ATL1: variants seen among roughly 807,000 people sequenced by gnomAD.
ATL1 encodes atlastin GTPase 1.
ATL1 carries 31 observed loss-of-function variants against 75.5 expected under a neutral mutation model. The observed-to-expected ratio is 0.41, with a 90% confidence interval of 0.31 to 0.55. The LOEUF (loss-of-function observed/expected upper bound fraction) is 0.55. ATL1 is among the 20% of genes least tolerant of loss of function. The pLI, the probability that ATL1 is intolerant of heterozygous loss-of-function variation, is 0.27. For missense variants in ATL1, 405 were observed against 662.6 expected (o/e 0.61, Z 4.27); for synonymous variants, 226 against 233.3 (o/e 0.97, Z 0.28).
chr14:50,625,622 TAAG>T (rs1449875668), intron 11 of ATL1, among the ~76,000 whole-genome samples: 1 of 152,102 alleles, frequency 6.6e-6, no homozygotes, highest in Non-Finnish European at 1.5e-5. Context: ...TCTAGGCACT[TAAG>T]AATCATGCTA....
intron 11 of ATL1, among the ~76,000 whole-genome samples, chr14:50,624,433 G>C (rs1385229140): frequency 6.6e-6 from 1 of 151,994 alleles, no homozygotes; most frequent in Non-Finnish European, 1.5e-5. Context: ...AATTGTTTCA[G>C]AGTGCCATTA....
chr14:50,620,270 C>CAAAA (rs1365510649), intron 8 of ATL1, among the ~76,000 whole-genome samples: 1 of 151,976 alleles, frequency 6.6e-6, no homozygotes, highest in African/African-American at 2.4e-5. Context: ...AACAAACAAA[C>CAAAA]AAAAAAGCAA....
In ATL1 at chr14:50,624,023, C is replaced by G. The variant is rs150871184; in HGVS notation, c.1119+775C>G. Among the ~76,000 whole-genome samples the G allele has an allele frequency of 1.7e-3, 264 of 152,210 alleles. 1 individual carries two copies. Among genetic ancestry groups the G allele is most frequent in the Middle Eastern group, 6.8e-3 (2 of 294 alleles). On this transcript the variant is annotated intron_variant, in intron 11 of 13. Transcript: ENST00000358385. ...TGAGCTGAGATTGTGCCACTGCACT[C>G]CAGCCTGGGCAACAGAGCAAGAATC...
chr14:50,579,124 C>T (rs371295498), intron 1 of ATL1, among the ~76,000 whole-genome samples: 1 of 152,066 alleles, frequency 6.6e-6, no homozygotes, highest in African/African-American at 2.4e-5. Context: ...GTCCACTTCT[C>T]CTCCACCAGG....
At position 50,621,827 on chromosome 14, in the gene ATL1, T is replaced by C; in HGVS notation, c.991-16T>C. On this transcript the variant is annotated splice_polypyrimidine_tract_variant and intron_variant, in intron 9 of 13. Transcript: ENST00000358385. ...AATGGAATTGCTTGAACATGAATCTTTTTCTTTTTTTTTAGGCTTATATAA... is the reference window on the plus strand; with the variant it reads ...AATGGAATTGCTTGAACATGAATCTCTTTCTTTTTTTTTAGGCTTATATAA... 1 of 1,523,438 alleles carries C rather than the reference T, an allele frequency of 6.6e-7. No homozygotes were observed. The highest frequency in any genetic ancestry group is 1.7e-5 in the Admixed American group (1 of 59,250). 94.4% of individuals were successfully genotyped at this position (1,523,438 alleles called of 1,614,324 possible). A position where few individuals can be genotyped will look rare whatever the true frequency, so the allele number is the denominator to read the frequency against.
At chr14:50,548,341 A>G (rs2038660532) in intron 1 of ATL1, among the ~76,000 whole-genome samples, 1 of 152,198 alleles carries the variant, frequency 6.6e-6, no homozygotes, top group South Asian at 2.1e-4. Context: ...CACATAGAGC[A>G]AGAGCCATTT....
rs2140226881 is a variant in ATL1 at position 50,614,384 on chromosome 14, C to T, written c.735C>T (p.Asn245=). The change falls in exon 8 of 14, where the codon AAC becomes AAT. Residue 245 remains asparagine, a synonymous_variant. Transcript: ENST00000358385. ...FLEKRLKVSG[N]QHEELQNVRK... ...ATGATTTACTGCAGGTCTCAGGGAA[C>T]CAGCATGAAGAACTACAGAACGTCA... 6.2e-7 allele frequency: 1 copy of T among 1,613,990 alleles called. No homozygotes were observed. The highest frequency in any genetic ancestry group is 2.2e-5 in the East Asian group (1 of 44,866).
intron 1 of ATL1, among the ~76,000 whole-genome samples, chr14:50,548,062 G>C (rs556280868): frequency 6.6e-6 from 1 of 152,210 alleles, no homozygotes; most frequent in African/African-American, 2.4e-5. Context: ...ATGGCCTAAA[G>C]AACAGGGGAT....
upstream of ATL1, chr14:50,559,553 T>C (rs538082138): frequency 6.6e-6 from 1 of 152,406 alleles, no homozygotes; most frequent in African/African-American, 2.4e-5. Flanking sequence ...CTGGACCTTA[T>C]CTTTGCAAAT....
intron 6 of ATL1, among the ~76,000 whole-genome samples, chr14:50,608,829 T>G (rs538050704): frequency 1.3e-4 from 20 of 152,176 alleles, no homozygotes; most frequent in African/African-American, 4.3e-4. Context: ...TAGCAAGAAA[T>G]GTTCAAAATA....
chr14:50,537,997 G>A (rs1001367726), intron 1 of ATL1, among the ~76,000 whole-genome samples: 2 of 152,146 alleles, frequency 1.3e-5, no homozygotes, highest in Non-Finnish European at 2.9e-5. Flanking sequence ...GTTTTGAAAC[G>A]TGAGGACATG....
In ATL1 at chr14:50,537,047, G is replaced by A. The variant is rs114411272; in HGVS notation, c.-140+3680G>A. On this transcript the variant is annotated intron_variant, in intron 1 of 13. Coordinates refer to the ATL1 transcript ENST00000441560. ...ACAATGGGGAAAATGCCTTCAGGGC[G>A]TGTCAGAGGTCTTCATGGCAGACCT... is the stretch of plus-strand genomic sequence containing the variant. Among the ~76,000 whole-genome samples, 748 of 152,358 alleles carry A rather than the reference G, an allele frequency of 4.9e-3. 8 individuals are homozygous for A. Among genetic ancestry groups the A allele is most frequent in the African/African-American group, 0.017 (696 of 41,586 alleles).
intron 6 of ATL1, among the ~76,000 whole-genome samples, chr14:50,596,761 T>G (rs1356410302): frequency 1.3e-5 from 2 of 152,150 alleles, no homozygotes; most frequent in African/African-American, 4.8e-5. Context: ...AATAGTTATA[T>G]GAAAATACTG....
At chr14:50,578,065 T>C (rs1242475312) in intron 1 of ATL1, among the ~76,000 whole-genome samples, 1 of 152,180 alleles carries the variant, frequency 6.6e-6, no homozygotes, top group Non-Finnish European at 1.5e-5. Flanking sequence ...ACAAATTCAT[T>C]CTATTCTATT....
chr14:50,623,814 G>T (rs1808250617), intron 11 of ATL1, among the ~76,000 whole-genome samples: 1 of 152,132 alleles, frequency 6.6e-6, no homozygotes, highest in Admixed American at 6.5e-5. Flanking sequence ...ACTTTGGGAG[G>T]CCGAGGCAGG....
At chr14:50,613,408 T>C in intron 7 of ATL1, 57 bp downstream of exon 7, 6 of 1,349,214 alleles carry the variant, frequency 4.4e-6, no homozygotes, top group Non-Finnish European at 6.4e-6. Flanking sequence ...TTATTTCTGT[T>C]GGATCATTTG....
chr14:50,616,316 A>G (rs2039414699), intron 8 of ATL1, among the ~76,000 whole-genome samples: 1 of 152,016 alleles, frequency 6.6e-6, no homozygotes, highest in Admixed American at 6.6e-5. Context: ...ATTTTTTTAG[A>G]GATGGGGTCT....
chr14:50,609,060 T>C lies in ATL1; in HGVS notation c.631-4199T>C, dbSNP rs572936835. 7.4e-4 allele frequency among the ~76,000 whole-genome samples: 113 copies of C among 152,066 alleles called. 2 individuals carry two copies. The highest frequency in any genetic ancestry group is 6.6e-4 in the Non-Finnish European group (45 of 67,938). On this transcript the variant is annotated intron_variant, in intron 6 of 13. Coordinates refer to ENST00000358385, the MANE Select transcript of ATL1 (RefSeq NM_015915.5). ...ATCGCACGCCACTTAGAAGTGACCCTGTTTAAGGAAAAAAGATGTGATTCA... is the reference window on the plus strand; with the variant it reads ...ATCGCACGCCACTTAGAAGTGACCCCGTTTAAGGAAAAAAGATGTGATTCA...
chr14:50,627,921 C>G, intron 11 of ATL1, 110 bp from the exon 12 acceptor site: 2 of 1,003,818 alleles, frequency 2.0e-6, no homozygotes, highest in South Asian at 2.8e-5. Flanking sequence ...TATGCAGGCT[C>G]CTGATTATTA....
Sources: gnomAD v4.1 joint callset for allele counts (sites outside exome capture counted in the v4.1 genomes callset) on GRCh38, gnomAD v4.1.1 for gene constraint, MANE v1.5 for transcripts, NCBI Gene and HGNC (gene_info 2026-07-23, HGNC 2026-07-21) for gene names.